HECW2: variants seen among roughly 807,000 people sequenced by gnomAD.
HECW2 encodes E3 ubiquitin-protein ligase HECW2.
In HECW2, 61 loss-of-function variants were observed where a neutral mutation model predicts 175.2. That is an observed-to-expected ratio of 0.35 (90% CI 0.28 to 0.43). The LOEUF (loss-of-function observed/expected upper bound fraction) is 0.43, where lower values mean the gene tolerates loss of function less well. HECW2 is among the 20% of genes least tolerant of loss of function. The pLI is 1.00. For missense variants in HECW2, 1,524 were observed against 2,000.5 expected, an observed-to-expected ratio of 0.76 and a Z score of 4.54; for synonymous variants, 671 against 731.0, an observed-to-expected ratio of 0.92 and a Z score of 1.32.
intron 1 of HECW2, among the ~76,000 whole-genome samples, chr2:196,487,208 G>A (rs760927493): frequency 1.2e-4 from 18 of 151,996 alleles, no homozygotes; most frequent in Non-Finnish European, 2.4e-4. Flanking sequence ...CCAGCTACCA[G>A]GAGGCTGAGG....
At chr2:196,235,212 C>T (rs1011409817) in intron 21 of HECW2, among the ~76,000 whole-genome samples, 2 of 151,676 alleles carry the variant, frequency 1.3e-5, no homozygotes, top group African/African-American at 4.8e-5. Flanking sequence ...ATTCTCCTGC[C>T]TCAGCCACCC....
At chr2:196,558,235 A>T (rs990352756) in intron 1 of HECW2, among the ~76,000 whole-genome samples, 1 of 152,246 alleles carries the variant, frequency 6.6e-6, no homozygotes, top group African/African-American at 2.4e-5. Context: ...CTAAAATCAG[A>T]GCTTTCAAAC....
At position 196,306,620 on chromosome 2, in the gene HECW2, G is replaced by A. The variant is rs754162151; in HGVS notation, c.2690-8C>T. On this transcript the variant is annotated splice_polypyrimidine_tract_variant and splice_region_variant and intron_variant, in intron 12 of 28. Coordinates refer to ENST00000644978, the MANE Select transcript of HECW2 (RefSeq NM_001348768.2). ...TGTTCTCCCGTCGGAAATCTAGATG[G>A]GGCAGACCACAGAGGCGGTCAGGGA... 16 of 1,608,278 alleles carry A rather than the reference G, an allele frequency of 9.9e-6. No homozygotes were observed. Among genetic ancestry groups the A allele is most frequent in the Non-Finnish European group, 1.3e-5 (15 of 1,177,416 alleles).
chr2:196,504,478 G>C (rs1028092892), intron 1 of HECW2, among the ~76,000 whole-genome samples: 16 of 151,992 alleles, frequency 1.1e-4, no homozygotes, highest in Admixed American at 1.0e-3. Flanking sequence ...TATATGGCAG[G>C]GAGGCTGCCT....
intron 1 of HECW2, among the ~76,000 whole-genome samples, chr2:196,534,929 T>G (rs930997705): frequency 2.0e-5 from 3 of 152,112 alleles, no homozygotes; most frequent in Admixed American, 6.6e-5. Flanking sequence ...ATGGAGAAAT[T>G]TTTGAAACAG....
chr2:196,322,201 AT>A (rs1368328807), intron 7 of HECW2, among the ~76,000 whole-genome samples: 1 of 152,232 alleles, frequency 6.6e-6, no homozygotes, highest in African/African-American at 2.4e-5. Flanking sequence ...AAAAGCTCCA[AT>A]ATACTGAGAG....
intron 2 of HECW2, among the ~76,000 whole-genome samples, chr2:196,350,258 G>T (rs13411101): frequency 0.014 from 2,162 of 152,202 alleles, 59 homozygotes; most frequent in African/African-American, 0.049. Context: ...CCAGCTATAC[G>T]GGAGGCTGAG....
intron 21 of HECW2, chr2:196,239,145 C>T (rs1688358737): frequency 6.6e-6 from 1 of 152,238 alleles, no homozygotes; most frequent in Admixed American, 6.5e-5. Flanking sequence ...CACTTATGCA[C>T]ATCAGCAATG....
chr2:196,210,253 G>A (rs1323886702), intron 28 of HECW2, among the ~76,000 whole-genome samples: 1 of 149,710 alleles, frequency 6.7e-6, no homozygotes, highest in Non-Finnish European at 1.5e-5. Flanking sequence ...TAAACGGAAT[G>A]TTGTTTTAAA....
At chr2:196,241,713 C>T (rs976338411) in intron 20 of HECW2, among the ~76,000 whole-genome samples, 67 of 152,286 alleles carry the variant, frequency 4.4e-4, no homozygotes, top group African/African-American at 1.5e-3. Context: ...ACTATTCCTA[C>T]ACTCAGGTCA....
chr2:196,496,744 T>C (rs918725244), intron 1 of HECW2, among the ~76,000 whole-genome samples: 2 of 152,358 alleles, frequency 1.3e-5, no homozygotes, highest in African/African-American at 4.8e-5. Flanking sequence ...ATAACCTCAC[T>C]GGCCTGTAAA....
At chr2:196,532,406 CTCATAAGTGGGAG>C (rs1688869934) in intron 1 of HECW2, among the ~76,000 whole-genome samples, 1 of 152,044 alleles carries the variant, frequency 6.6e-6, no homozygotes, top group South Asian at 2.1e-4. Flanking sequence ...CATATTCTCA[CTCATAAGTGGGAG>C]TTGAACAAGG....
intron 5 of HECW2, among the ~76,000 whole-genome samples, chr2:196,327,275 T>C (rs1050029838): frequency 6.6e-6 from 1 of 152,196 alleles, no homozygotes; most frequent in Non-Finnish European, 1.5e-5. Flanking sequence ...CAATGGGACA[T>C]TGTACAAATA....
At position 196,257,876 on chromosome 2, in the gene HECW2, C is replaced by T. The variant is rs1459492598; in HGVS notation, c.3366G>A (p.Gly1122=). The change falls in exon 18 of 29, where the codon GGG becomes GGA. Residue 1122 remains glycine (G), a synonymous_variant. Transcript: ENST00000644978. The stretch of plus-strand genomic sequence containing the variant: ...TTGAAAGGCGCACCAATCCTGGAGT[C>T]CCTTCAGTTCGGATAAATTGGATCT... ...REKIQFIRTE[G]TPGLVRLSSD... 1.9e-6 allele frequency: 3 copies of T among 1,613,994 alleles called. 1 individual carries two copies. Among genetic ancestry groups the T allele is most frequent in the Non-Finnish European group, 2.5e-6 (3 of 1,179,906 alleles).
chr2:196,310,841 C>G (rs1392075230), intron 10 of HECW2, among the ~76,000 whole-genome samples: 2 of 150,778 alleles, frequency 1.3e-5, no homozygotes, highest in Non-Finnish European at 2.9e-5. Context: ...TGGCTTGACA[C>G]ACTTTCACTA....
chr2:196,234,176 A>G (rs936102202), intron 21 of HECW2, among the ~76,000 whole-genome samples: 1 of 152,216 alleles, frequency 6.6e-6, no homozygotes, highest in African/African-American at 2.4e-5. Flanking sequence ...GGGCAATCAC[A>G]GTGTAAACCT....
chr2:196,249,145 A>G lies in HECW2; in HGVS notation c.3529+4775T>C, dbSNP rs182290152. ...TGGTTACCTGGAAAATCCACATAAG[A>G]GAGCACATCTCCAATAATATCAGAT... On this transcript the variant is annotated intron_variant, in intron 19 of 28. Coordinates refer to ENST00000644978, the MANE Select transcript of HECW2 (RefSeq NM_001348768.2). 1.5e-3 allele frequency among the ~76,000 whole-genome samples: 224 copies of G among 152,366 alleles called. 1 individual carries two copies. Among genetic ancestry groups the G allele is most frequent in the African/African-American group, 5.1e-3 (213 of 41,588 alleles).
intron 2 of HECW2, among the ~76,000 whole-genome samples, chr2:196,385,814 TC>T (rs750337313): frequency 1.3e-5 from 2 of 152,210 alleles, no homozygotes; most frequent in African/African-American, 2.4e-5. Flanking sequence ...TTGTTTTTTT[TC>T]CTAATTACTT....
intron 20 of HECW2, among the ~76,000 whole-genome samples, chr2:196,241,414 G>A (rs947073251): frequency 5.9e-5 from 9 of 152,150 alleles, no homozygotes; most frequent in African/African-American, 2.2e-4. Flanking sequence ...TCTGGTCTCT[G>A]GACCGTCTCT....
Sources: allele counts gnomAD v4.1 joint callset (sites outside exome capture counted in the v4.1 genomes callset), GRCh38; gene constraint gnomAD v4.1.1; transcripts MANE v1.5; gene names NCBI Gene and HGNC (gene_info 2026-07-23, HGNC 2026-07-21).